RFTN1: variants seen among roughly 807,000 people sequenced by gnomAD.
RFTN1 encodes raftlin, lipid raft linker 1, also known as raftlin.
A neutral mutation model predicts 46.5 loss-of-function variants in RFTN1; 26 were observed. The observed-to-expected ratio is 0.56, with a 90% CI of 0.41 to 0.78. RFTN1 has a LOEUF of 0.78. Among genes scored for constraint, RFTN1 ranks in the 30% least tolerant of loss-of-function variants. The probability of loss-of-function intolerance (pLI) is 0.00; values close to 1 mark genes in which losing one functional copy is unlikely to be tolerated. For missense variants in RFTN1, 693 were observed against 718.7 expected (o/e 0.96, Z 0.41); for synonymous variants, 261 against 284.2 (o/e 0.92, Z 0.82).
At chr3:16,416,136 C>A (rs2075075579) in intron 3 of RFTN1, 1 of 451,956 alleles carries the variant, frequency 2.2e-6, no homozygotes, top group African/African-American at 2.0e-5. Context: ...ATTTGAGAGG[C>A]TGTATTTCAC....
intron 1 of RFTN1, among the ~76,000 whole-genome samples, chr3:16,501,104 T>G (rs2076703615): frequency 6.6e-6 from 1 of 152,168 alleles, no homozygotes; most frequent in Admixed American, 6.5e-5. Flanking sequence ...ACCACCGCAC[T>G]GCAGGCTGAG....
intron 3 of RFTN1, among the ~76,000 whole-genome samples, chr3:16,417,035 G>A (rs1424502970): frequency 1.4e-5 from 2 of 142,960 alleles, no homozygotes; most frequent in African/African-American, 5.3e-5. Flanking sequence ...TTGAGACAGG[G>A]TCTCACTCTG....
chr3:16,483,008 G>A lies in RFTN1; in HGVS notation c.145+10717C>T. On this transcript the variant is annotated intron_variant, in intron 2 of 9. Coordinates refer to ENST00000334133, the MANE Select transcript of RFTN1 (RefSeq NM_015150.2). The surrounding 1 kb of genome is among the most constrained non-coding windows in gnomAD (Gnocchi z 4.8). Reference sequence around the variant, plus strand: ...CTAGCCATCCACCTTCCCTCCTCCAGGGCTTCTGACATTTTGCTCCAAGGT... The same window carrying A: ...CTAGCCATCCACCTTCCCTCCTCCAAGGCTTCTGACATTTTGCTCCAAGGT... 1 of 606,994 alleles carries A rather than the reference G, an allele frequency of 1.6e-6. No homozygotes were observed. The highest frequency in any genetic ancestry group is 2.9e-6 in the Non-Finnish European group (1 of 344,810). 37.6% of individuals were successfully genotyped at this position (606,994 alleles called of 1,614,324 possible).
At chr3:16,375,109 C>T (rs1326338212) in intron 5 of RFTN1, among the ~76,000 whole-genome samples, 2 of 152,096 alleles carry the variant, frequency 1.3e-5, no homozygotes, top group East Asian at 3.8e-4. Flanking sequence ...TTTAAGCCCA[C>T]CTGGCAGAAG....
intron 2 of RFTN1, among the ~76,000 whole-genome samples, chr3:16,490,513 C>CT (rs986966228): frequency 2.1e-4 from 32 of 152,206 alleles, no homozygotes; most frequent in African/African-American, 7.5e-4. Flanking sequence ...TGGCTTGAAT[C>CT]TCAACTTCAT....
chr3:16,355,674 T>C (rs1236842220), intron 7 of RFTN1, among the ~76,000 whole-genome samples: 1 of 152,204 alleles, frequency 6.6e-6, no homozygotes, highest in East Asian at 1.9e-4. Flanking sequence ...GGAGTGAGCC[T>C]CAGAATCTCC....
At chr3:16,445,332 T>C (rs917279508) in intron 2 of RFTN1, among the ~76,000 whole-genome samples, 1 of 152,070 alleles carries the variant, frequency 6.6e-6, no homozygotes, top group South Asian at 2.1e-4. Context: ...AAAGGAGATA[T>C]AGGGAGGCTT....
At position 16,351,516 on chromosome 3, in the gene RFTN1, C is replaced by T. The variant is rs948684909; in HGVS notation, c.1146+6416G>A. ...CTCCAGAGCCTCATGACAAAGTCTG[C>T]GGGGTTGCAGAGGCTGTAATGATAC... On this transcript the variant is annotated intron_variant, in intron 7 of 9. Coordinates refer to ENST00000334133, the MANE Select transcript of RFTN1 (RefSeq NM_015150.2). The surrounding 1 kb of genome is among the most constrained non-coding windows in gnomAD (Gnocchi z 5.4). Among the ~76,000 whole-genome samples the T allele has an allele frequency of 6.6e-6, 1 of 152,104 alleles. No individual in the cohort carries two copies. Among genetic ancestry groups the T allele is most frequent in the Non-Finnish European group, 1.5e-5 (1 of 68,032 alleles).
At chr3:16,420,278 T>A (rs556858866) in intron 3 of RFTN1, among the ~76,000 whole-genome samples, 1 of 152,206 alleles carries the variant, frequency 6.6e-6, no homozygotes, top group Non-Finnish European at 1.5e-5. Context: ...TCCTGCTTTC[T>A]CTGGAATGCT....
chr3:16,318,835 C>T (rs566062598), intron 9 of RFTN1, among the ~76,000 whole-genome samples: 1 of 152,340 alleles, frequency 6.6e-6, no homozygotes, highest in Admixed American at 6.5e-5. Context: ...TGACAGACTT[C>T]CCTTAGGAGA....
At position 16,321,033 on chromosome 3, in the gene RFTN1, C is replaced by T. The variant is rs1032830814; in HGVS notation, c.1332+2343G>A. 8.5e-5 allele frequency among the ~76,000 whole-genome samples: 13 copies of T among 152,058 alleles called. No individual in the cohort carries two copies. The highest frequency in any genetic ancestry group is 3.1e-4 in the African/African-American group (13 of 41,400). On this transcript the variant is annotated intron_variant, in intron 9 of 9. Coordinates refer to ENST00000334133, the MANE Select transcript of RFTN1 (RefSeq NM_015150.2). This position sits in a 1 kb window ranked among gnomAD's most constrained non-coding sequence, Gnocchi z 4.8. ...AGAAGTGGAGGGATTCCAGAGCCTC[C>T]GGGACCTAACACAGATGGGTCTTAA... is the stretch of plus-strand genomic sequence containing the variant.
At chr3:16,325,564 T>A (rs1455742462) in intron 8 of RFTN1, among the ~76,000 whole-genome samples, 2 of 152,208 alleles carry the variant, frequency 1.3e-5, no homozygotes, top group Non-Finnish European at 2.9e-5. Flanking sequence ...AGTGGCAGAC[T>A]GAAGACTTGG....
intron 4 of RFTN1, among the ~76,000 whole-genome samples, chr3:16,396,337 G>C (rs1192616668): frequency 6.6e-6 from 1 of 152,152 alleles, no homozygotes; most frequent in Non-Finnish European, 1.5e-5. Context: ...CACCCAGGCT[G>C]GAGTGCAGCA....
chr3:16,451,031 A>T lies in RFTN1; in HGVS notation c.146-16994T>A, dbSNP rs1232640657. On this transcript the variant is annotated intron_variant, in intron 2 of 9. Coordinates refer to ENST00000334133, the MANE Select transcript of RFTN1 (RefSeq NM_015150.2). This position sits in a 1 kb window ranked among gnomAD's most constrained non-coding sequence, Gnocchi z 4.2. ...ACTCTGGACTGGGGATAGAAAACGG[A>T]GGCTCACGTACCTGTGCATAAATGC... Among the ~76,000 whole-genome samples the T allele has an allele frequency of 6.6e-6, 1 of 152,160 alleles. No homozygotes were observed. Among genetic ancestry groups the T allele is most frequent in the Non-Finnish European group, 1.5e-5 (1 of 68,030 alleles).
In RFTN1 at chr3:16,421,523, T is replaced by C. The variant is rs1014091996; in HGVS notation, c.333-12040A>G. Among the ~76,000 whole-genome samples the C allele has an allele frequency of 6.6e-6, 1 of 152,108 alleles. No individual in the cohort carries two copies. Among genetic ancestry groups the C allele is most frequent in the African/African-American group, 2.4e-5 (1 of 41,410 alleles). On this transcript the variant is annotated intron_variant, in intron 3 of 9. Transcript: ENST00000334133. The surrounding 1 kb of genome is among the most constrained non-coding windows in gnomAD (Gnocchi z 4.6). ...CATGCCACCATGCCCAGCTAATTTT[T>C]GTATTTTTAGTAGAGACAGGGTTTC...
rs568511284 is a variant in RFTN1 at position 16,449,531 on chromosome 3, C to G, written c.146-15494G>C. ...CTGGAACTGGTAACTCCTCCATACACGGGAGCTGCTAAAATCATTGTTGTT... is the reference window on the plus strand; with the variant it reads ...CTGGAACTGGTAACTCCTCCATACAGGGGAGCTGCTAAAATCATTGTTGTT... On this transcript the variant is annotated intron_variant, in intron 2 of 9. Coordinates refer to ENST00000334133, the MANE Select transcript of RFTN1 (RefSeq NM_015150.2). The surrounding 1 kb of genome is among the most constrained non-coding windows in gnomAD (Gnocchi z 5.1). Among the ~76,000 whole-genome samples, 10 of 152,344 alleles carry G rather than the reference C, an allele frequency of 6.6e-5. No individual in the cohort carries two copies. Among genetic ancestry groups the G allele is most frequent in the African/African-American group, 2.4e-4 (10 of 41,582 alleles).
At chr3:16,394,511 G>T (rs1048034566) in intron 4 of RFTN1, among the ~76,000 whole-genome samples, 2 of 152,218 alleles carry the variant, frequency 1.3e-5, no homozygotes, top group African/African-American at 4.8e-5. Flanking sequence ...AACAGGCGAA[G>T]CCACCCTTTG....
intron 3 of RFTN1, among the ~76,000 whole-genome samples, chr3:16,430,039 A>T (rs189967860): frequency 1.2e-3 from 190 of 152,354 alleles, no homozygotes; most frequent in African/African-American, 4.4e-3. Context: ...TTAAAAATTA[A>T]TCACAAAAGT....
chr3:16,430,293 G>A (rs923522869), intron 3 of RFTN1, among the ~76,000 whole-genome samples: 1 of 151,946 alleles, frequency 6.6e-6, no homozygotes, highest in African/African-American at 2.4e-5. Context: ...AAAATTTTTA[G>A]TAGCTACTAG....
Sources: allele counts gnomAD v4.1 joint callset (sites outside exome capture counted in the v4.1 genomes callset), GRCh38; gene constraint gnomAD v4.1.1; non-coding constraint Gnocchi (gnomAD v3.1); transcripts MANE v1.5; gene names NCBI Gene and HGNC (gene_info 2026-07-23, HGNC 2026-07-21).